The following ROR2 variants were observed in gnomAD, a reference collection of about 807,000 sequenced individuals.
ROR2 encodes the protein tyrosine-protein kinase transmembrane receptor ROR2.
In ROR2, 33 loss-of-function variants were observed where a neutral mutation model predicts 74.9. The ratio of observed to expected loss-of-function variants is 0.44; its 90% confidence interval spans 0.33 to 0.59. The LOEUF is 0.59. Ranked by LOEUF, ROR2 falls within the 20% of genes least tolerant of loss-of-function variation. ROR2 has a pLI of 0.02. For synonymous variants in ROR2, 586 were observed against 558.7 expected (o/e 1.05, Z -0.69); for missense variants, 1,216 against 1,313.8 (o/e 0.93, Z 1.15).
chr9:91,771,305 A>T (rs908875999), intron 2 of ROR2, among the ~76,000 whole-genome samples: 1 of 152,222 alleles, frequency 6.6e-6, no homozygotes, highest in Non-Finnish European at 1.5e-5. Flanking sequence ...CAGCCTTCAG[A>T]AATTATCCAC....
At position 91,724,490 on chromosome 9, in the gene ROR2, C is replaced by CG; in HGVS notation, c.2003_2004insC (p.Lys668AsnfsTer49). On this transcript the variant is annotated frameshift_variant, in exon 9 of 9. Transcript: ENST00000375708. LOFTEE classifies it high-confidence loss of function. The stretch of plus-strand genomic sequence containing the variant: ...ACCAGATGTCTGAGTCGATGGAGAA[C>CG]TTGCCGTACATGATGGCCTCTGGGG... The CG allele has an allele frequency of 6.2e-7, 1 of 1,614,238 alleles. No homozygotes were observed. The highest frequency in any genetic ancestry group is 8.5e-7 in the Non-Finnish European group (1 of 1,180,028).
chr9:91,869,018 G>A lies in ROR2; in HGVS notation c.97+80849C>T, dbSNP rs370255921. Among the ~76,000 whole-genome samples the A allele has an allele frequency of 8.1e-4, 124 of 152,206 alleles. 2 individuals are homozygous for A. The South Asian group carries it at 0.025, about 31-fold the overall frequency. On this transcript the variant is annotated intron_variant, in intron 1 of 8. Coordinates refer to ENST00000375708, the MANE Select transcript of ROR2 (RefSeq NM_004560.4). Reference sequence around the variant, plus strand: ...CTCCTAGGTATTCACCATAGAGAGAGGAAAACATATGCTCTCACAAAAACC... The same window carrying A: ...CTCCTAGGTATTCACCATAGAGAGAAGAAAACATATGCTCTCACAAAAACC...
chr9:91,878,270 C>G (rs1830009528), intron 1 of ROR2, among the ~76,000 whole-genome samples: 1 of 152,186 alleles, frequency 6.6e-6, no homozygotes, highest in Non-Finnish European at 1.5e-5. Context: ...AAATTGCGCC[C>G]TCCCTTTCCT....
intron 1 of ROR2, among the ~76,000 whole-genome samples, chr9:91,809,166 T>G (rs545048937): frequency 6.6e-6 from 1 of 152,148 alleles, no homozygotes; most frequent in Non-Finnish European, 1.5e-5. Context: ...GGTCCCCAAA[T>G]AGTCTACAAT....
At chr9:91,860,866 C>G (rs1829449451) in intron 1 of ROR2, among the ~76,000 whole-genome samples, 1 of 152,232 alleles carries the variant, frequency 6.6e-6, no homozygotes, top group Admixed American at 6.5e-5. Context: ...CTACCATTCT[C>G]TAGGTACTCC....
intron 1 of ROR2, chr9:91,949,003 G>T: frequency 2.2e-6 from 2 of 903,978 alleles, no homozygotes; most frequent in Non-Finnish European, 2.6e-6. Flanking sequence ...TCTGCGCCCC[G>T]GATCCAAGCA....
chr9:91,841,102 C>T (rs1417559726), intron 1 of ROR2, among the ~76,000 whole-genome samples: 1 of 152,214 alleles, frequency 6.6e-6, no homozygotes, highest in African/African-American at 2.4e-5. Flanking sequence ...CGGCCATTGG[C>T]CCATCAGTTG....
At chr9:91,848,114 A>G (rs765901330) in intron 1 of ROR2, among the ~76,000 whole-genome samples, 5 of 152,250 alleles carry the variant, frequency 3.3e-5, no homozygotes, top group Non-Finnish European at 5.9e-5. Flanking sequence ...TTACCAAAAC[A>G]TAACAAGGAA....
At position 91,724,490 on chromosome 9, in the gene ROR2, C is replaced by T; in HGVS notation, c.2004G>A (p.Lys668=). 3 of 1,614,238 alleles carry T rather than the reference C, an allele frequency of 1.9e-6. No individual in the cohort carries two copies. The highest frequency in any genetic ancestry group is 2.5e-6 in the Non-Finnish European group (3 of 1,180,028). ...ACCAGATGTCTGAGTCGATGGAGAA[C>T]TTGCCGTACATGATGGCCTCTGGGG... ...WMAPEAIMYG[K]FSIDSDIWSY... The change falls in exon 9 of 9, where the codon AAG becomes AAA. Residue 668 remains lysine, a synonymous_variant. Coordinates refer to ENST00000375708, the MANE Select transcript of ROR2 (RefSeq NM_004560.4).
chr9:91,798,544 C>A (rs945302515), intron 1 of ROR2, among the ~76,000 whole-genome samples: 4 of 131,604 alleles, frequency 3.0e-5, no homozygotes, highest in African/African-American at 6.3e-5. Context: ...GGAATGACAC[C>A]CTGGGATCTG....
At chr9:91,777,217 A>G (rs1175352657) in intron 1 of ROR2, among the ~76,000 whole-genome samples, 1 of 152,232 alleles carries the variant, frequency 6.6e-6, no homozygotes, top group Admixed American at 6.5e-5. Context: ...TCTAAAGTCA[A>G]TAAGCAAAAT....
chr9:91,945,811 G>A (rs1831998117), intron 1 of ROR2, among the ~76,000 whole-genome samples: 3 of 152,146 alleles, frequency 2.0e-5, no homozygotes, highest in Admixed American at 2.0e-4. Context: ...TTACACCCCA[G>A]ACATATTTTA....
chr9:91,764,088 C>G (rs959328703), intron 2 of ROR2, among the ~76,000 whole-genome samples: 2 of 152,134 alleles, frequency 1.3e-5, no homozygotes, highest in East Asian at 3.8e-4. Context: ...GTAATTCTGT[C>G]AAGTTGAGTT....
At chr9:91,835,730 C>A (rs1280376262) in intron 1 of ROR2, among the ~76,000 whole-genome samples, 1 of 152,210 alleles carries the variant, frequency 6.6e-6, no homozygotes, top group Non-Finnish European at 1.5e-5. Flanking sequence ...CCACTACTTG[C>A]AGCTGCAGGA....
In ROR2 at chr9:91,757,079, C is replaced by T. The variant is rs35022100; in HGVS notation, c.463+193G>A. The stretch of plus-strand genomic sequence containing the variant: ...GCCACCGTGCCTCGCCCTATTTTCT[C>T]TTATTACTAGTAAATGGGTAACAGG... On this transcript the variant is annotated intron_variant, in intron 3 of 8. Coordinates refer to ENST00000375708, the MANE Select transcript of ROR2 (RefSeq NM_004560.4). Among the ~76,000 whole-genome samples, 18,326 of 152,056 alleles carry T rather than the reference C, an allele frequency of 0.12. 1,244 individuals carry two copies. Among genetic ancestry groups the T allele is most frequent in the African/African-American group, 0.17 (6,999 of 41,472 alleles).
chr9:91,846,668 G>C (rs764948223), intron 1 of ROR2, among the ~76,000 whole-genome samples: 1 of 152,004 alleles, frequency 6.6e-6, no homozygotes, highest in Non-Finnish European at 1.5e-5. Context: ...CAGAGGTTTC[G>C]GATTTCAAGT....
chr9:91,773,680 G>A (rs967513425), intron 2 of ROR2, among the ~76,000 whole-genome samples: 1 of 152,170 alleles, frequency 6.6e-6, no homozygotes, highest in African/African-American at 2.4e-5. Flanking sequence ...AACCCCGGCT[G>A]ACTCTGACCT....
rs1219054073 is a variant in ROR2 at position 91,796,931 on chromosome 9, C to T, written c.98-21113G>A. Reference sequence around the variant, plus strand: ...GGGGCTGACACCCTGGCTCTGTGGGCGGGGCTGACACCCTGGGATCTGTGG... The same window carrying T: ...GGGGCTGACACCCTGGCTCTGTGGGTGGGGCTGACACCCTGGGATCTGTGG... On this transcript the variant is annotated intron_variant, in intron 1 of 8. Transcript: ENST00000375708. 1.6e-4 allele frequency among the ~76,000 whole-genome samples: 7 copies of T among 44,400 alleles called. 1 individual carries two copies. Among genetic ancestry groups the T allele is most frequent in the Admixed American group, 8.3e-4 (3 of 3,616 alleles). 29.1% of individuals were successfully genotyped at this position (44,400 alleles called of 152,430 possible). A position where few individuals can be genotyped will look rare whatever the true frequency, so the allele number is the denominator to read the frequency against.
At chr9:91,786,841 C>T (rs1161920674) in intron 1 of ROR2, among the ~76,000 whole-genome samples, 5 of 152,190 alleles carry the variant, frequency 3.3e-5, no homozygotes, top group Non-Finnish European at 2.9e-5. Flanking sequence ...CTGCAGTCAA[C>T]ATGAGCCTGA....
Sources: gnomAD v4.1 joint callset for allele counts (sites outside exome capture counted in the v4.1 genomes callset) on GRCh38, gnomAD v4.1.1 for gene constraint, MANE v1.5 for transcripts, NCBI Gene and HGNC (gene_info 2026-07-23, HGNC 2026-07-21) for gene names.